The following SPATA13 variants were observed in gnomAD, a reference collection of about 807,000 sequenced individuals.
The protein encoded by SPATA13 is spermatogenesis associated 13.
In SPATA13, 50 loss-of-function variants were observed where a neutral mutation model predicts 104.0. The ratio of observed to expected loss-of-function variants is 0.48; its 90% CI spans 0.38 to 0.61. The LOEUF (loss-of-function observed/expected upper bound fraction) is 0.61, where lower values mean the gene tolerates loss of function less well. Among genes scored for constraint, SPATA13 ranks in the 20% least tolerant of loss-of-function variants. SPATA13 has a pLI of 0.00. For missense variants in SPATA13, 1,524 were observed against 1,690.6 expected (o/e 0.90, Z 1.73); for synonymous variants, 606 against 667.5 (o/e 0.91, Z 1.42).
At chr13:24,251,688 C>T (rs1221855160) in intron 3 of SPATA13, 30 bp from the exon 4 acceptor site, 1 of 1,611,416 alleles carries the variant, frequency 6.2e-7, no homozygotes, top group Non-Finnish European at 8.5e-7. Context: ...TTCCTGGTAC[C>T]TCCTCACAGA....
At chr13:24,283,471 T>C (rs955168154) in intron 4 of SPATA13, among the ~76,000 whole-genome samples, 12 of 152,222 alleles carry the variant, frequency 7.9e-5, no homozygotes, top group African/African-American at 2.9e-4. Flanking sequence ...GACTGCTCAG[T>C]GACAGATTGT....
intron 9 of SPATA13, among the ~76,000 whole-genome samples, chr13:24,294,525 A>G (rs561424136): frequency 1.9e-4 from 29 of 152,324 alleles, no homozygotes; most frequent in African/African-American, 7.0e-4. Context: ...TTTATTCCAA[A>G]GAATTCTGAA....
intron 2 of SPATA13, among the ~76,000 whole-genome samples, chr13:24,247,478 C>CCTTTTT (rs1375500120): frequency 3.4e-5 from 3 of 87,122 alleles, no homozygotes; most frequent in African/African-American, 1.2e-4. Context: ...TCCACATTCA[C>CCTTTTT]TTTTTTTTTT....
chr13:24,292,003 G>A (rs932234742), intron 9 of SPATA13, among the ~76,000 whole-genome samples: 3 of 151,808 alleles, frequency 2.0e-5, no homozygotes, highest in Non-Finnish European at 2.9e-5. Context: ...TGATCCACCC[G>A]CCTCGGCCTC....
chr13:24,245,924 C>G (rs1176328651), intron 2 of SPATA13, among the ~76,000 whole-genome samples: 1 of 152,084 alleles, frequency 6.6e-6, no homozygotes, highest in African/African-American at 2.4e-5. Flanking sequence ...TGTGCTGACT[C>G]TGAGGCATGA....
In SPATA13 at chr13:24,113,918, C is replaced by T. The variant is rs149434982; in HGVS notation, c.-112+96217C>T. ...AAGAAAGAAAATATAGTTATATAAA[C>T]ACCAACAGAAGTATCAAGGATGTGT... On this transcript the variant is annotated intron_variant, in intron 3 of 14. Coordinates refer to the SPATA13 transcript ENST00000424834. Among the ~76,000 whole-genome samples, 910 of 134,808 alleles carry T rather than the reference C, an allele frequency of 6.8e-3. 10 individuals are homozygous for T. The highest frequency in any genetic ancestry group is 0.024 in the African/African-American group (867 of 36,752). 88.4% of individuals were successfully genotyped at this position (134,808 alleles called of 152,430 possible).
At chr13:24,261,660 G>A (rs1874068249) in intron 4 of SPATA13, among the ~76,000 whole-genome samples, 1 of 152,166 alleles carries the variant, frequency 6.6e-6, no homozygotes, top group Non-Finnish European at 1.5e-5. Context: ...TGTCCCAGAT[G>A]TCAAAGGAAG....
At chr13:24,209,534 C>T (rs536543209) in intron 1 of SPATA13, among the ~76,000 whole-genome samples, 22 of 152,280 alleles carry the variant, frequency 1.4e-4, no homozygotes, top group African/African-American at 5.1e-4. Context: ...TCTCTCTGTG[C>T]CTGGCTCATT....
chr13:23,983,132 G>A (rs1000006372), intron 1 of SPATA13, among the ~76,000 whole-genome samples: 1 of 152,052 alleles, frequency 6.6e-6, no homozygotes, highest in African/African-American at 2.4e-5. Flanking sequence ...TCTTTGTTCG[G>A]GCTGCCATCA....
At chr13:24,083,494 G>T (rs2137781183) in intron 3 of SPATA13, among the ~76,000 whole-genome samples, 1 of 152,322 alleles carries the variant, frequency 6.6e-6, no homozygotes, top group East Asian at 1.9e-4. Context: ...AGTCCAGGCG[G>T]AGCTTGCGGG....
intron 4 of SPATA13, among the ~76,000 whole-genome samples, chr13:24,282,229 T>A (rs1401482977): frequency 6.6e-6 from 1 of 151,996 alleles, no homozygotes; most frequent in Non-Finnish European, 1.5e-5. Flanking sequence ...CCAGTGCAGG[T>A]AAGATGAACT....
intron 3 of SPATA13, among the ~76,000 whole-genome samples, chr13:24,145,405 C>T (rs971293328): frequency 8.5e-5 from 13 of 152,160 alleles, no homozygotes; most frequent in Admixed American, 2.0e-4. Context: ...TAAAGTATGT[C>T]CCTGCAGGGG....
In SPATA13 at chr13:24,286,067, A is replaced by T; in HGVS notation, c.2302-147A>T. ...TCTCCTGGGTTCTCTTTGTGTAACCAGTCACATAGTCAGTGTGGACCAAAT... is the reference window on the plus strand; with the variant it reads ...TCTCCTGGGTTCTCTTTGTGTAACCTGTCACATAGTCAGTGTGGACCAAAT... On this transcript the variant is annotated intron_variant, in intron 5 of 12. Transcript: ENST00000382108. This position sits in a 1 kb window ranked among gnomAD's most constrained non-coding sequence, Gnocchi z 4.9. The T allele has an allele frequency of 1.5e-6, 1 of 648,548 alleles. No individual in the cohort carries two copies. The highest frequency in any genetic ancestry group is 2.5e-6 in the Non-Finnish European group (1 of 395,364). 40.2% of individuals were successfully genotyped at this position (648,548 alleles called of 1,614,324 possible). A position where few individuals can be genotyped will look rare whatever the true frequency, so the allele number is the denominator to read the frequency against.
At chr13:24,242,742 G>C (rs892260952) in intron 2 of SPATA13, among the ~76,000 whole-genome samples, 25 of 152,160 alleles carry the variant, frequency 1.6e-4, no homozygotes, top group Admixed American at 5.9e-4. Flanking sequence ...ATGTCATTAA[G>C]GCTCAAACTT....
Position 24,207,455 on chromosome 13 carries a change from T to C in SPATA13, c.-111-15364T>C, listed in dbSNP as rs373661910. 1.8e-4 allele frequency among the ~76,000 whole-genome samples: 28 copies of C among 152,218 alleles called. 1 individual carries two copies. Among genetic ancestry groups the C allele is most frequent in the East Asian group, 1.2e-3 (6 of 5,202 alleles). On this transcript the variant is annotated intron_variant, in intron 1 of 12. Coordinates refer to ENST00000382108, the MANE Select transcript of SPATA13 (RefSeq NM_001166271.3). ...TTGGGTATATCTCCAGAAGTGGAATTGCTAGAGCATGTAATAGTTCTGTGT... is the reference window on the plus strand; with the variant it reads ...TTGGGTATATCTCCAGAAGTGGAATCGCTAGAGCATGTAATAGTTCTGTGT...
intron 1 of SPATA13, among the ~76,000 whole-genome samples, chr13:24,174,295 G>A (rs1883123082): frequency 6.6e-6 from 1 of 151,828 alleles, no homozygotes; most frequent in African/African-American, 2.4e-5. Flanking sequence ...TTGTTTAATT[G>A]ATTTTTTCTA....
rs556524170 is a variant in SPATA13, at chr13:24,042,684, T to C, written c.-112+24983T>C. Among the ~76,000 whole-genome samples the C allele has an allele frequency of 2.0e-5, 3 of 152,342 alleles. No homozygotes were observed. In the East Asian group the frequency reaches 5.8e-4, roughly 29 times the overall value. On this transcript the variant is annotated intron_variant, in intron 3 of 14. Coordinates refer to the SPATA13 transcript ENST00000424834. ...ACTCAAAGGGGAGAGCTTCTCAAAA[T>C]GCATTGTGCATGCATATAATTGGGA...
intron 3 of SPATA13, among the ~76,000 whole-genome samples, chr13:24,117,684 G>GA (rs1361368991): frequency 2.8e-5 from 3 of 109,056 alleles, no homozygotes; most frequent in African/African-American, 1.0e-4. Context: ...GAAATTAAGA[G>GA]AAAAAAAACC....
intron 2 of SPATA13, among the ~76,000 whole-genome samples, chr13:24,245,766 T>G (rs747378424): frequency 1.3e-5 from 2 of 151,642 alleles, no homozygotes; most frequent in Non-Finnish European, 2.9e-5. Context: ...TATTATTTAT[T>G]TATTTTTAGA....
Sources: gnomAD v4.1 joint callset for allele counts (sites outside exome capture counted in the v4.1 genomes callset) on GRCh38, gnomAD v4.1.1 for gene constraint, Gnocchi (gnomAD v3.1) non-coding constraint, MANE v1.5 for transcripts, NCBI Gene and HGNC (gene_info 2026-07-23, HGNC 2026-07-21) for gene names.